The following TUSC3 variants were observed in gnomAD, a reference collection of about 807,000 sequenced individuals.
TUSC3 encodes the protein tumor suppressor candidate 3.
In TUSC3, 45 loss-of-function variants were observed where a neutral mutation model predicts 44.8. That is an observed-to-expected ratio of 1.00 (90% CI 0.79 to 1.29). The LOEUF (loss-of-function observed/expected upper bound fraction) is 1.29. Ranked by LOEUF, TUSC3 falls within the 50% of genes most tolerant of loss-of-function variation. The pLI, the probability that TUSC3 is intolerant of heterozygous loss-of-function variation, is 0.00. For synonymous variants in TUSC3, 212 were observed against 152.9 expected (o/e 1.39, Z -2.85); for missense variants, 519 against 437.9 (o/e 1.19, Z -1.65).
intron 1 of TUSC3, among the ~76,000 whole-genome samples, chr8:15,458,183 T>C (rs998586153): frequency 4.6e-5 from 7 of 152,004 alleles, no homozygotes; most frequent in Non-Finnish European, 8.8e-5. Flanking sequence ...TATAAGAAAA[T>C]GTAGGTTAAA....
At chr8:15,439,521 C>G (rs1799993900) in intron 1 of TUSC3, among the ~76,000 whole-genome samples, 1 of 152,106 alleles carries the variant, frequency 6.6e-6, no homozygotes, top group Non-Finnish European at 1.5e-5. Context: ...TACACCACTG[C>G]CCTCCAGCCT....
At chr8:15,744,217 G>C (rs1811311500) in intron 8 of TUSC3, among the ~76,000 whole-genome samples, 1 of 152,064 alleles carries the variant, frequency 6.6e-6, no homozygotes, top group Non-Finnish European at 1.5e-5. Flanking sequence ...AGTTAATTCT[G>C]TGGCTTTTCT....
intron 6 of TUSC3, among the ~76,000 whole-genome samples, chr8:15,694,946 A>G (rs981949598): frequency 1.3e-5 from 2 of 152,186 alleles, no homozygotes; most frequent in Non-Finnish European, 2.9e-5. Flanking sequence ...TCGTTGCCCA[A>G]GCTGAGGTAT....
rs73665460 is a variant in TUSC3 at position 15,624,590 on chromosome 8, C to T, written c.308+1341C>T. 9.3e-3 allele frequency among the ~76,000 whole-genome samples: 1,419 copies of T among 152,230 alleles called. 22 individuals are homozygous for T. The highest frequency in any genetic ancestry group is 0.033 in the African/African-American group (1,364 of 41,514). On this transcript the variant is annotated intron_variant, in intron 2 of 10. Coordinates refer to ENST00000503731, the MANE Select transcript of TUSC3 (RefSeq NM_006765.4). ...TTGAACATCTTTTCATGTGCTTATT[C>T]GTCATCTATGTATCATCTTTAATGA...
chr8:15,703,960 A>C (rs914250984), intron 6 of TUSC3, among the ~76,000 whole-genome samples: 1 of 152,198 alleles, frequency 6.6e-6, no homozygotes, highest in Non-Finnish European at 1.5e-5. Context: ...GGCGCACTGC[A>C]AAATAAGTGA....
intron 1 of TUSC3, among the ~76,000 whole-genome samples, chr8:15,422,935 G>A (rs567424631): frequency 4.1e-4 from 63 of 152,134 alleles, no homozygotes; most frequent in African/African-American, 1.4e-3. Flanking sequence ...GAGCCACTGC[G>A]TCCACCCAGT....
intron 1 of TUSC3, among the ~76,000 whole-genome samples, chr8:15,449,823 G>C (rs757883056): frequency 6.6e-6 from 1 of 152,002 alleles, no homozygotes; most frequent in Non-Finnish European, 1.5e-5. Context: ...GTAGGTGACC[G>C]TTTTTTTAAT....
At chr8:15,793,027 TTTC>T in the TUSC3 span, among the ~76,000 whole-genome samples, 3 of 151,982 alleles carry the variant, frequency 2.0e-5, no homozygotes, top group African/African-American at 7.3e-5. Context: ...AGAAGAGATG[TTTC>T]TCTTCTCCCA....
intron 1 of TUSC3, among the ~76,000 whole-genome samples, chr8:15,440,061 A>T (rs554941278): frequency 6.6e-6 from 1 of 152,194 alleles, no homozygotes; most frequent in Non-Finnish European, 1.5e-5. Context: ...GCTTTCATCA[A>T]ATTATCCCAC....
chr8:15,435,554 T>C (rs1212542398), intron 1 of TUSC3, among the ~76,000 whole-genome samples: 3 of 152,214 alleles, frequency 2.0e-5, no homozygotes, highest in Non-Finnish European at 4.4e-5. Context: ...CTGGACTGTT[T>C]CCAATTTCCA....
intron 2 of TUSC3, among the ~76,000 whole-genome samples, chr8:15,526,042 T>TC (rs1386224818): frequency 6.6e-6 from 1 of 150,888 alleles, no homozygotes; most frequent in Non-Finnish European, 1.5e-5. Flanking sequence ...AGATTCATCT[T>TC]TTTTTTTTGA....
At chr8:15,660,678 G>T (rs1807382202) in intron 4 of TUSC3, among the ~76,000 whole-genome samples, 1 of 151,712 alleles carries the variant, frequency 6.6e-6, no homozygotes, top group African/African-American at 2.4e-5. Flanking sequence ...TATATCATTG[G>T]TTTTAATGAC....
chr8:15,624,452 G>C (rs1339358775), intron 2 of TUSC3, among the ~76,000 whole-genome samples: 1 of 152,166 alleles, frequency 6.6e-6, no homozygotes, highest in Admixed American at 6.5e-5. Context: ...TTTAGTTGCT[G>C]CTTATCCTTA....
At chr8:15,437,977 A>G (rs948581260) in intron 1 of TUSC3, among the ~76,000 whole-genome samples, 3 of 152,224 alleles carry the variant, frequency 2.0e-5, no homozygotes, top group African/African-American at 7.2e-5. Flanking sequence ...GGAACTGTAC[A>G]GACATTTGTT....
chr8:15,681,359 T>C (rs1311156388), intron 6 of TUSC3, among the ~76,000 whole-genome samples: 2 of 152,012 alleles, frequency 1.3e-5, no homozygotes, highest in African/African-American at 4.8e-5. Context: ...AAGTCAGTAT[T>C]TGTCTGTTCA....
intron 1 of TUSC3, among the ~76,000 whole-genome samples, chr8:15,551,277 C>A (rs1037816336): frequency 1.3e-5 from 2 of 151,404 alleles, no homozygotes; most frequent in African/African-American, 2.4e-5. Flanking sequence ...ACTTTTAGAT[C>A]CTTTCTAGAT....
chr8:15,709,803 C>T (rs1809767822), intron 6 of TUSC3, among the ~76,000 whole-genome samples: 1 of 151,824 alleles, frequency 6.6e-6, no homozygotes, highest in Non-Finnish European at 1.5e-5. Context: ...GCAACTAGAC[C>T]TGTCTAACTG....
chr8:15,498,053 T>C (rs1800908498), intron 2 of TUSC3, among the ~76,000 whole-genome samples: 2 of 152,124 alleles, frequency 1.3e-5, no homozygotes, highest in South Asian at 4.1e-4. Flanking sequence ...CCCGGCTCTG[T>C]TTTTGTTTTT....
intron 1 of TUSC3, among the ~76,000 whole-genome samples, chr8:15,558,863 C>A (rs188094145): frequency 0.012 from 1,839 of 150,934 alleles, 91 homozygotes; most frequent in Admixed American, 0.084. Flanking sequence ...TCCCCTTTAT[C>A]ATTTTTTATT....
Sources: gnomAD v4.1 joint callset for allele counts (sites outside exome capture counted in the v4.1 genomes callset) on GRCh38, gnomAD v4.1.1 for gene constraint, MANE v1.5 for transcripts, NCBI Gene and HGNC (gene_info 2026-07-23, HGNC 2026-07-21) for gene names.